Variants in LRBA observed in about 807,000 individuals in gnomAD.
LRBA encodes the protein LPS responsive beige-like anchor protein.
A neutral mutation model predicts 330.0 loss-of-function variants in LRBA; 176 were observed. The observed-to-expected ratio is 0.53, with a 90% CI of 0.47 to 0.60. LRBA has a LOEUF of 0.60. Ranked by LOEUF, LRBA falls within the 20% of genes least tolerant of loss-of-function variation. The pLI is 0.00. For synonymous variants in LRBA, 1,230 were observed against 1,193.0 expected, an observed-to-expected ratio of 1.03 and a Z score of -0.64; for missense variants, 3,259 against 3,444.8, an observed-to-expected ratio of 0.95 and a Z score of 1.35.
chr4:150,809,989 C>T (rs1743481538), intron 31 of LRBA, among the ~76,000 whole-genome samples: 1 of 152,110 alleles, frequency 6.6e-6, no homozygotes, highest in Admixed American at 6.6e-5. Flanking sequence ...TCAATTGTAT[C>T]TAGGAATTCT....
At chr4:150,916,804 A>C in intron 5 of LRBA, 66 bp from the exon 6 acceptor site, 1 of 1,247,030 alleles carries the variant, frequency 8.0e-7, no homozygotes, top group Non-Finnish European at 1.1e-6. Flanking sequence ...TCATGAAAAT[A>C]AGACTTTGCA....
chr4:150,837,694 T>A (rs1475015772), intron 28 of LRBA, among the ~76,000 whole-genome samples: 2 of 152,232 alleles, frequency 1.3e-5, no homozygotes, highest in Non-Finnish European at 2.9e-5. Context: ...TCTCTGCATG[T>A]GAGATGGGTC....
intron 4 of LRBA, among the ~76,000 whole-genome samples, chr4:150,923,990 C>T (rs957540911): frequency 2.0e-5 from 3 of 152,172 alleles, no homozygotes; most frequent in Non-Finnish European, 2.9e-5. Flanking sequence ...CAAGTAACTA[C>T]AATCACAGTG....
chr4:150,342,358 A>G (rs1735704100), intron 48 of LRBA, among the ~76,000 whole-genome samples: 1 of 152,168 alleles, frequency 6.6e-6, no homozygotes, highest in African/African-American at 2.4e-5. Context: ...GGCAGTGAAA[A>G]AAAGAATAGT....
chr4:150,963,795 C>A (rs1435083071), intron 2 of LRBA, among the ~76,000 whole-genome samples: 1 of 147,388 alleles, frequency 6.8e-6, no homozygotes, highest in Non-Finnish European at 1.5e-5. Context: ...CTCCGCCCGG[C>A]CCCCCAGTCT....
At chr4:151,009,709 G>A (rs1429211161) in intron 2 of LRBA, among the ~76,000 whole-genome samples, 1 of 152,114 alleles carries the variant, frequency 6.6e-6, no homozygotes, top group African/African-American at 2.4e-5. Context: ...AGCAAGGCGC[G>A]GTGGCTCACG....
chr4:150,717,377 T>A (rs949984302), intron 36 of LRBA, among the ~76,000 whole-genome samples: 5 of 152,100 alleles, frequency 3.3e-5, no homozygotes, highest in African/African-American at 1.2e-4. Context: ...CTAAAAAATA[T>A]ATAGATTGCT....
chr4:150,600,932 T>C (rs1456063619), intron 37 of LRBA, among the ~76,000 whole-genome samples: 1 of 152,124 alleles, frequency 6.6e-6, no homozygotes, highest in East Asian at 1.9e-4. Flanking sequence ...AAAATTATTA[T>C]CAAATATCAG....
intron 34 of LRBA, among the ~76,000 whole-genome samples, chr4:150,790,467 AAAAGT>A (rs1251571430): frequency 6.6e-6 from 1 of 152,228 alleles, no homozygotes; most frequent in Non-Finnish European, 1.5e-5. Context: ...AAAAGAAAAA[AAAAGT>A]ACTTTACTCC....
intron 34 of LRBA, 136 bp from the exon 35 acceptor site, chr4:150,761,983 A>G: frequency 1.7e-6 from 1 of 587,586 alleles, no homozygotes; most frequent in Non-Finnish European, 3.0e-6. Context: ...CCATATGAAC[A>G]GGTAATACTG....
Position 151,014,760 on chromosome 4 carries a change from T to C in LRBA, c.-118A>G, listed in dbSNP as rs577043457. On this transcript the variant is annotated 5_prime_UTR_variant, in exon 2 of 57. Transcript: ENST00000651943. ...GGGTCCCTCTTCCAACTTGTGGAGATACCCCAAAGCAGTTGATGTGGAAAG... is the reference window on the plus strand; with the variant it reads ...GGGTCCCTCTTCCAACTTGTGGAGACACCCCAAAGCAGTTGATGTGGAAAG... 14 of 662,268 alleles carry C rather than the reference T, an allele frequency of 2.1e-5. No individual in the cohort carries two copies. The South Asian group carries it at 2.1e-4, about 10-fold the overall frequency. 41.0% of individuals were successfully genotyped at this position (662,268 alleles called of 1,614,324 possible). A position where few individuals can be genotyped will look rare whatever the true frequency, so the allele number is the denominator to read the frequency against.
At chr4:150,965,131 A>G (rs796660765) in intron 2 of LRBA, among the ~76,000 whole-genome samples, 4 of 152,322 alleles carry the variant, frequency 2.6e-5, no homozygotes, top group African/African-American at 9.6e-5. Flanking sequence ...TATATCTCTA[A>G]GAATCTATCC....
intron 2 of LRBA, among the ~76,000 whole-genome samples, chr4:151,010,712 T>A (rs1744726822): frequency 6.6e-6 from 1 of 151,596 alleles, no homozygotes; most frequent in South Asian, 2.1e-4. Context: ...TGAAACCTAA[T>A]TTCTACTAAA....
intron 19 of LRBA, 50 bp from the exon 20 acceptor site, chr4:150,870,656 C>A: frequency 2.3e-6 from 2 of 855,560 alleles, no homozygotes; most frequent in East Asian, 2.4e-5. Context: ...GGATTAGCAT[C>A]ACTATTAATG....
At chr4:150,453,442 G>A (rs1298366620) in intron 44 of LRBA, among the ~76,000 whole-genome samples, 2 of 152,118 alleles carry the variant, frequency 1.3e-5, no homozygotes, top group Admixed American at 6.5e-5. Flanking sequence ...AATGGTGTTA[G>A]AAGAATTGGA....
intron 44 of LRBA, among the ~76,000 whole-genome samples, chr4:150,464,314 C>T (rs1755162023): frequency 6.6e-6 from 1 of 151,888 alleles, no homozygotes; most frequent in South Asian, 2.1e-4. Flanking sequence ...AAAATCAACC[C>T]CCCAAAAATG....
intron 46 of LRBA, among the ~76,000 whole-genome samples, chr4:150,433,732 A>T (rs1165103589): frequency 2.6e-5 from 4 of 152,160 alleles, no homozygotes; most frequent in African/African-American, 9.6e-5. Context: ...TTGAGATTAG[A>T]GGTAAAATTT....
rs756523496 is a variant in LRBA at position 150,828,598 on chromosome 4, T to C, written c.4753A>G (p.Thr1585Ala). 32 of 1,613,764 alleles carry C rather than the reference T, an allele frequency of 2.0e-5. 1 individual carries two copies. The South Asian group carries it at 3.5e-4, about 18-fold the overall frequency. Residue 1585 changes from threonine to alanine, a missense_variant, in exon 30 of 57, where the codon ACT becomes GCT. Coordinates refer to ENST00000651943, the MANE Select transcript of LRBA (RefSeq NM_001364905.1). ...LSEITPAAFS[T>A]LTTASVEESE... is the part of the protein sequence containing the mutation. ...TCTTCCACTGATGCCGTAGTTAAAG[T>C]GCTGAATGCTGCTGGTGTGATTTCT...
At chr4:150,999,307 T>C (rs930326972) in intron 2 of LRBA, among the ~76,000 whole-genome samples, 3 of 152,084 alleles carry the variant, frequency 2.0e-5, no homozygotes, top group Non-Finnish European at 4.4e-5. Flanking sequence ...AATCTCTATA[T>C]AAATATGGGA....
Sources: gnomAD v4.1 joint callset for allele counts (sites outside exome capture counted in the v4.1 genomes callset) on GRCh38, gnomAD v4.1.1 for gene constraint, MANE v1.5 for transcripts, NCBI Gene and HGNC (gene_info 2026-07-23, HGNC 2026-07-21) for gene names.